Variants in UNC5C observed in about 807,000 individuals in gnomAD.
UNC5C encodes netrin receptor UNC5C.
In UNC5C, 47 loss-of-function variants were observed where a neutral mutation model predicts 99.8. The observed-to-expected ratio is 0.47, with a 90% CI of 0.37 to 0.60. The LOEUF is 0.60. Ranked by LOEUF, UNC5C falls within the 20% of genes least tolerant of loss-of-function variation. The pLI, the probability that UNC5C is intolerant of heterozygous loss-of-function variation, is 0.00. For synonymous variants in UNC5C, 487 were observed against 452.2 expected (o/e 1.08, Z -0.98); for missense variants, 1,062 against 1,165.9 (o/e 0.91, Z 1.30).
chr4:95,409,665 G>A (rs1745925039), intron 1 of UNC5C, among the ~76,000 whole-genome samples: 1 of 152,144 alleles, frequency 6.6e-6, no homozygotes, highest in African/African-American at 2.4e-5. Flanking sequence ...TATGAGTCCA[G>A]TTGGGGGATA....
chr4:95,331,105 T>C (rs1743093295), intron 2 of UNC5C, among the ~76,000 whole-genome samples: 1 of 152,260 alleles, frequency 6.6e-6, no homozygotes, highest in African/African-American at 2.4e-5. Flanking sequence ...TCACTTAAGA[T>C]AATGGCTTCC....
chr4:95,292,637 G>A lies in UNC5C; in HGVS notation c.490+8969C>T, dbSNP rs2149400593. ...AAGTAAATGTATGATGGTTTAGAAG[G>A]TGAGAAGTGCTATGCAGAAACGTAA... On this transcript the variant is annotated intron_variant, in intron 3 of 15. Coordinates refer to ENST00000453304, the MANE Select transcript of UNC5C (RefSeq NM_003728.4). Among the ~76,000 whole-genome samples, 3 of 152,220 alleles carry A rather than the reference G, an allele frequency of 2.0e-5. No individual in the cohort carries two copies. In the Middle Eastern group the frequency reaches 0.01, roughly 518 times the overall value.
chr4:95,315,951 G>A (rs950159375), intron 2 of UNC5C, among the ~76,000 whole-genome samples: 2 of 152,132 alleles, frequency 1.3e-5, no homozygotes, highest in South Asian at 4.2e-4. Context: ...TTCCAAGTTG[G>A]AATGCATTTA....
intron 1 of UNC5C, among the ~76,000 whole-genome samples, chr4:95,455,694 C>A (rs917365477): frequency 6.6e-6 from 1 of 151,820 alleles, no homozygotes; most frequent in Non-Finnish European, 1.5e-5. Flanking sequence ...TCTGAGCAAC[C>A]TTTATTACTT....
At chr4:95,323,942 A>T (rs1489894186) in intron 2 of UNC5C, among the ~76,000 whole-genome samples, 1 of 152,180 alleles carries the variant, frequency 6.6e-6, no homozygotes, top group Non-Finnish European at 1.5e-5. Context: ...AGGCTGAGGC[A>T]GGAGAATCGC....
At chr4:95,401,182 T>A (rs948420389) in intron 1 of UNC5C, among the ~76,000 whole-genome samples, 1 of 152,144 alleles carries the variant, frequency 6.6e-6, no homozygotes, top group Non-Finnish European at 1.5e-5. Flanking sequence ...TTGTTCTTAG[T>A]AGAGTGCCTA....
At chr4:95,193,648 G>A (rs751794265) in intron 12 of UNC5C, among the ~76,000 whole-genome samples, 12 of 152,204 alleles carry the variant, frequency 7.9e-5, no homozygotes, top group Non-Finnish European at 1.6e-4. Context: ...CTGTGCCTTT[G>A]CGATGGTGGC....
intron 1 of UNC5C, among the ~76,000 whole-genome samples, chr4:95,423,593 C>T (rs10011755): frequency 0.36 from 54,314 of 152,024 alleles, 10,378 homozygotes; most frequent in East Asian, 0.65. Context: ...TTGAGATTTT[C>T]GTCTTTCAGT....
chr4:95,528,153 A>C lies in UNC5C; in HGVS notation c.124+20581T>G, dbSNP rs74536896. Among the ~76,000 whole-genome samples, 271 of 152,332 alleles carry C rather than the reference A, an allele frequency of 1.8e-3. 5 individuals carry two copies. The East Asian group carries it at 0.044, about 25-fold the overall frequency. ...GTTTATGTTTTGAAACTTATTTGTG[A>C]AAGCTGTTAGGCAAAACATTCTTAT... On this transcript the variant is annotated intron_variant, in intron 1 of 15. Transcript: ENST00000453304.
At chr4:95,235,615 A>G (rs1739080268) in intron 7 of UNC5C, among the ~76,000 whole-genome samples, 2 of 152,136 alleles carry the variant, frequency 1.3e-5, no homozygotes, top group South Asian at 4.1e-4. Context: ...TTATGGTTTT[A>G]GGTCTAACAT....
intron 14 of UNC5C, among the ~76,000 whole-genome samples, chr4:95,171,214 AT>A (rs33993748): frequency 0.032 from 4,703 of 148,826 alleles, 179 homozygotes; most frequent in Admixed American, 0.076. Flanking sequence ...ATCTCTCTCT[AT>A]TTTTTTTTTC....
intron 1 of UNC5C, among the ~76,000 whole-genome samples, chr4:95,468,643 C>T (rs943874608): frequency 6.6e-6 from 1 of 152,082 alleles, no homozygotes; most frequent in African/African-American, 2.4e-5. Context: ...TTCTTCCAAA[C>T]CTTTATAATG....
At position 95,548,875 on chromosome 4, in the gene UNC5C, C is replaced by T; in HGVS notation, c.-18G>A. On this transcript the variant is annotated 5_prime_UTR_variant, in exon 1 of 16. Coordinates refer to ENST00000453304, the MANE Select transcript of UNC5C (RefSeq NM_003728.4). ...TTCCTCATCGTAGACAGAGGTGTGC[C>T]GGGGGGAGGGGAGGGGGACAGAGAG... is the stretch of plus-strand genomic sequence containing the variant. The T allele has an allele frequency of 8.1e-6, 13 of 1,599,078 alleles. No homozygotes were observed. Among genetic ancestry groups the T allele is most frequent in the Non-Finnish European group, 1.1e-5 (13 of 1,172,022 alleles).
intron 4 of UNC5C, among the ~76,000 whole-genome samples, chr4:95,257,552 T>C (rs971024065): frequency 1.3e-5 from 2 of 152,236 alleles, no homozygotes; most frequent in Non-Finnish European, 2.9e-5. Context: ...GGCACTCATC[T>C]TCCATTTCTG....
intron 1 of UNC5C, among the ~76,000 whole-genome samples, chr4:95,502,417 C>T (rs984403835): frequency 1.3e-5 from 2 of 152,074 alleles, no homozygotes; most frequent in African/African-American, 2.4e-5. Flanking sequence ...AACAGTTGCA[C>T]ACCACCATGC....
In UNC5C at chr4:95,216,126, C is replaced by A; in HGVS notation, c.1731G>T (p.Met577Ile). ...TGCACCAGAAAAAGCATATTTACCT[C>A]ATAGTTTCTTTCCTGTGTACAGTCA... ...MYVTVHRKET[M>I]RPPMDDSQTL... The change falls in exon 10 of 16, where the codon ATG (methionine) becomes ATT (isoleucine). Residue 577 changes from methionine to isoleucine, a missense_variant and splice_region_variant. Physicochemically the swap from Met to Ile is conservative, Grantham distance 10. Coordinates refer to ENST00000453304, the MANE Select transcript of UNC5C (RefSeq NM_003728.4). 4 of 1,612,742 alleles carry A rather than the reference C, an allele frequency of 2.5e-6. No homozygotes were observed. Among genetic ancestry groups the A allele is most frequent in the Non-Finnish European group, 2.5e-6 (3 of 1,179,228 alleles).
intron 1 of UNC5C, among the ~76,000 whole-genome samples, chr4:95,390,903 T>A (rs1470142719): frequency 6.6e-6 from 1 of 152,148 alleles, no homozygotes; most frequent in Non-Finnish European, 1.5e-5. Flanking sequence ...TGAGATGATT[T>A]GGCTGTGTCC....
intron 3 of UNC5C, among the ~76,000 whole-genome samples, chr4:95,291,031 C>T (rs761867662): frequency 6.6e-6 from 1 of 151,976 alleles, no homozygotes; most frequent in Non-Finnish European, 1.5e-5. Context: ...AGCCATTCTT[C>T]GTTATTTCTT....
At chr4:95,337,372 T>C (rs747064324) in intron 1 of UNC5C, among the ~76,000 whole-genome samples, 10 of 152,098 alleles carry the variant, frequency 6.6e-5, no homozygotes, top group Non-Finnish European at 1.5e-4. Flanking sequence ...AAGATACAGA[T>C]GATTGTATAC....
Sources: gnomAD v4.1 joint callset for allele counts (sites outside exome capture counted in the v4.1 genomes callset) on GRCh38, gnomAD v4.1.1 for gene constraint, MANE v1.5 for transcripts, NCBI Gene and HGNC (gene_info 2026-07-23, HGNC 2026-07-21) for gene names.